PALM2AKAP2: variants seen among roughly 807,000 people sequenced by gnomAD.
The protein encoded by PALM2AKAP2 is PALM2-AKAP2 fusion protein.
In PALM2AKAP2, 37 loss-of-function variants were observed where a neutral mutation model predicts 71.5. The observed-to-expected ratio is 0.52, with a 90% confidence interval of 0.40 to 0.68. PALM2AKAP2 has a LOEUF of 0.68. Ranked by LOEUF, PALM2AKAP2 falls within the 30% of genes least tolerant of loss-of-function variation. The pLI is 0.00. For missense variants in PALM2AKAP2, 1,224 were observed against 1,191.8 expected, an observed-to-expected ratio of 1.03 and a Z score of -0.40; for synonymous variants, 468 against 478.8, an observed-to-expected ratio of 0.98 and a Z score of 0.29.
intron 6 of PALM2AKAP2, among the ~76,000 whole-genome samples, chr9:109,977,495 C>T (rs1395139112): frequency 1.3e-5 from 2 of 152,304 alleles, no homozygotes; most frequent in African/African-American, 2.4e-5. Context: ...CTTAAATTGA[C>T]ACAAACTCCA....
At chr9:110,140,463 C>T (rs1038768479) in intron 2 of PALM2AKAP2, among the ~76,000 whole-genome samples, 10 of 152,134 alleles carry the variant, frequency 6.6e-5, no homozygotes, top group African/African-American at 2.4e-4. Context: ...TAGCTGTGCT[C>T]ATTGTTATTG....
At chr9:110,006,803 G>C (rs1157445077) in intron 6 of PALM2AKAP2, among the ~76,000 whole-genome samples, 1 of 152,164 alleles carries the variant, frequency 6.6e-6, no homozygotes, top group Non-Finnish European at 1.5e-5. Context: ...GTGCTTAGCT[G>C]ATGGCCCCCT....
intron 6 of PALM2AKAP2, among the ~76,000 whole-genome samples, chr9:109,995,566 A>T (rs1832557619): frequency 6.6e-6 from 1 of 152,228 alleles, no homozygotes; most frequent in Middle Eastern, 3.2e-3. Context: ...GGAGGAGCAA[A>T]GTCACATCTT....
At chr9:110,116,416 G>A (rs542653616) in intron 1 of PALM2AKAP2, among the ~76,000 whole-genome samples, 35 of 152,230 alleles carry the variant, frequency 2.3e-4, no homozygotes, top group South Asian at 1.0e-3. Context: ...GCGTGTGCGC[G>A]TGCACGCGCA....
intron 1 of PALM2AKAP2, among the ~76,000 whole-genome samples, chr9:110,054,677 A>T (rs1467849312): frequency 3.9e-5 from 6 of 152,046 alleles, no homozygotes. Flanking sequence ...GGCTCAAGTG[A>T]TCCTCTTGTC....
intron 1 of PALM2AKAP2, among the ~76,000 whole-genome samples, chr9:109,642,646 C>G (rs75630874): frequency 6.6e-6 from 1 of 151,438 alleles, no homozygotes; most frequent in African/African-American, 2.4e-5. Context: ...CAGTATTGAC[C>G]TCCTGGGCTC....
chr9:109,800,051 G>T (rs1827378746), intron 1 of PALM2AKAP2, among the ~76,000 whole-genome samples: 1 of 152,206 alleles, frequency 6.6e-6, no homozygotes, highest in South Asian at 2.1e-4. Flanking sequence ...CCTATTGCCT[G>T]CCATACAGAA....
chr9:109,915,791 A>G (rs1032466954), intron 3 of PALM2AKAP2, among the ~76,000 whole-genome samples: 6 of 152,114 alleles, frequency 3.9e-5, no homozygotes, highest in African/African-American at 1.4e-4. Flanking sequence ...TATAATAATT[A>G]TTATCATCAT....
intron 1 of PALM2AKAP2, among the ~76,000 whole-genome samples, chr9:109,739,290 T>C (rs1828683142): frequency 6.6e-6 from 1 of 152,238 alleles, no homozygotes. Flanking sequence ...TTCATTTACT[T>C]AAACCAGTAC....
chr9:109,935,522 A>G (rs1171665180), intron 6 of PALM2AKAP2, among the ~76,000 whole-genome samples: 1 of 152,226 alleles, frequency 6.6e-6, no homozygotes, highest in Non-Finnish European at 1.5e-5. Context: ...TTTCAAATGC[A>G]ATTTGCCTAT....
intron 6 of PALM2AKAP2, among the ~76,000 whole-genome samples, chr9:109,958,228 G>A (rs1831784788): frequency 6.6e-6 from 1 of 151,958 alleles, no homozygotes; most frequent in Non-Finnish European, 1.5e-5. Context: ...ACTCCATCTA[G>A]CTTATATTAC....
chr9:109,923,849 G>A, exon 4 of PALM2AKAP2: 9 of 1,577,278 alleles, frequency 5.7e-6, no homozygotes, highest in Non-Finnish European at 7.7e-6. Context: ...ACTTTCAGAA[G>A]GTGAAGAAAA....
intron 1 of PALM2AKAP2, among the ~76,000 whole-genome samples, chr9:109,861,517 A>G (rs748012419): frequency 4.6e-5 from 7 of 152,202 alleles, no homozygotes; most frequent in Non-Finnish European, 1.0e-4. Flanking sequence ...TAATTTATAG[A>G]AAGTGAATGA....
intron 6 of PALM2AKAP2, among the ~76,000 whole-genome samples, chr9:110,015,656 A>G (rs542880612): frequency 6.6e-6 from 1 of 152,198 alleles, no homozygotes; most frequent in Non-Finnish European, 1.5e-5. Flanking sequence ...AAAGAAGAAG[A>G]CGAAGAGTTC....
intron 1 of PALM2AKAP2, among the ~76,000 whole-genome samples, chr9:109,794,204 AT>A (rs1280880378): frequency 1.5e-4 from 23 of 151,880 alleles, no homozygotes; most frequent in African/African-American, 5.3e-4. Context: ...CCGCTGTGGA[AT>A]TTTCTCATTA....
chr9:109,960,444 C>T (rs1193734928), intron 6 of PALM2AKAP2, among the ~76,000 whole-genome samples: 1 of 152,180 alleles, frequency 6.6e-6, no homozygotes, highest in Non-Finnish European at 1.5e-5. Context: ...CACCCTGAGA[C>T]ACAGACTTAT....
chr9:109,688,938 A>G (rs1827840392), intron 1 of PALM2AKAP2, among the ~76,000 whole-genome samples: 1 of 152,214 alleles, frequency 6.6e-6, no homozygotes, highest in Non-Finnish European at 1.5e-5. Flanking sequence ...ATAATCGATT[A>G]TGTGAGTTTG....
Position 109,979,140 on chromosome 9 carries a change from G to A in PALM2AKAP2, c.497-36814G>A, listed in dbSNP as rs147799638. On this transcript the variant is annotated intron_variant, in intron 6 of 9. Transcript: ENST00000302798. The stretch of plus-strand genomic sequence containing the variant: ...CCAGAGTAGCTAGGACTACAGGCAC[G>A]CACCACCATGCCCAGCTAATTTTTG... Among the ~76,000 whole-genome samples the A allele has an allele frequency of 9.2e-5, 14 of 152,114 alleles. No homozygotes were observed. In the East Asian group the frequency reaches 2.3e-3, roughly 25 times the overall value.
At chr9:109,981,711 C>T (rs1171054003) in intron 6 of PALM2AKAP2, among the ~76,000 whole-genome samples, 1 of 152,026 alleles carries the variant, frequency 6.6e-6, no homozygotes, top group African/African-American at 2.4e-5. Context: ...ACAAGGTGCT[C>T]AACATCATTG....
Sources: allele counts gnomAD v4.1 joint callset (sites outside exome capture counted in the v4.1 genomes callset), GRCh38; gene constraint gnomAD v4.1.1; transcripts MANE v1.5; gene names NCBI Gene and HGNC (gene_info 2026-07-23, HGNC 2026-07-21).